Variants in ENOX1 observed in about 807,000 individuals in gnomAD.
ENOX1 encodes candidate growth-related and time keeping constitutive hydroquinone (NADH) oxidase.
In ENOX1, 42 loss-of-function variants were observed where a neutral mutation model predicts 82.5. The observed-to-expected ratio is 0.51, with a 90% CI of 0.40 to 0.66. ENOX1 has a LOEUF of 0.66. Among genes scored for constraint, ENOX1 ranks in the 30% least tolerant of loss-of-function variants. The pLI is 0.00. For missense variants in ENOX1, 608 were observed against 811.6 expected (o/e 0.75, Z 3.05); for synonymous variants, 271 against 282.2 (o/e 0.96, Z 0.40).
intron 5 of ENOX1, among the ~76,000 whole-genome samples, chr13:43,395,733 C>G (rs2053100883): frequency 6.6e-6 from 1 of 152,174 alleles, no homozygotes; most frequent in South Asian, 2.1e-4. Flanking sequence ...GAAACACAGC[C>G]TTATCCACAA....
intron 1 of ENOX1, among the ~76,000 whole-genome samples, chr13:43,755,045 C>G (rs1017667153): frequency 2.0e-5 from 3 of 151,048 alleles, no homozygotes; most frequent in African/African-American, 7.3e-5. Flanking sequence ...GTTTCTCCAT[C>G]CTTCAATTCA....
chr13:43,782,093 C>A (rs910049947), intron 1 of ENOX1, among the ~76,000 whole-genome samples: 2 of 152,010 alleles, frequency 1.3e-5, no homozygotes, highest in African/African-American at 4.8e-5. Context: ...ACAAATCAGG[C>A]CCTCTGATAT....
intron 2 of ENOX1, among the ~76,000 whole-genome samples, chr13:43,665,984 C>T (rs2084956920): frequency 6.6e-6 from 1 of 150,460 alleles, no homozygotes; most frequent in Non-Finnish European, 1.5e-5. Context: ...ATATTACAGG[C>T]TCGGTTCCAC....
chr13:43,625,939 G>A (rs2153748562), intron 2 of ENOX1, among the ~76,000 whole-genome samples: 1 of 151,958 alleles, frequency 6.6e-6, no homozygotes, highest in East Asian at 1.9e-4. Context: ...TCAAACATGT[G>A]ATAGAATTCT....
At chr13:43,275,101 A>G (rs529036233) in intron 12 of ENOX1, among the ~76,000 whole-genome samples, 1 of 152,290 alleles carries the variant, frequency 6.6e-6, no homozygotes, top group East Asian at 1.9e-4. Flanking sequence ...TGGAATGGAA[A>G]TCAGAACATG....
intron 2 of ENOX1, among the ~76,000 whole-genome samples, chr13:43,592,353 G>A (rs915191445): frequency 6.6e-6 from 1 of 152,142 alleles, no homozygotes; most frequent in Non-Finnish European, 1.5e-5. Flanking sequence ...TTAAAATCTT[G>A]AGCATCTGGG....
chr13:43,333,648 G>A lies in ENOX1; in HGVS notation c.1037-7123C>T, dbSNP rs115780806. Reference sequence around the variant, plus strand: ...TAGGAGATTTCTTTCTTTTTGAGACGGAGTCTCACTGTCACCCAGCCTGAA... The same window carrying A: ...TAGGAGATTTCTTTCTTTTTGAGACAGAGTCTCACTGTCACCCAGCCTGAA... On this transcript the variant is annotated intron_variant, in intron 9 of 16. Transcript: ENST00000690772. Among the ~76,000 whole-genome samples the A allele has an allele frequency of 4.6e-3, 697 of 152,292 alleles. 2 individuals are homozygous for A. The highest frequency in any genetic ancestry group is 0.015 in the African/African-American group (608 of 41,566).
chr13:43,371,094 T>G (rs893142541), intron 5 of ENOX1, among the ~76,000 whole-genome samples: 1 of 152,212 alleles, frequency 6.6e-6, no homozygotes, highest in Non-Finnish European at 1.5e-5. Flanking sequence ...ATTTTCTTTC[T>G]GTACGATGTT....
intron 2 of ENOX1, among the ~76,000 whole-genome samples, chr13:43,529,229 C>T (rs780056530): frequency 2.0e-5 from 3 of 151,968 alleles, no homozygotes; most frequent in Admixed American, 6.6e-5. Context: ...ATCCTCCTTT[C>T]GTCCAGAGGA....
At chr13:43,531,704 GA>G (rs2078228097) in intron 2 of ENOX1, among the ~76,000 whole-genome samples, 1 of 147,530 alleles carries the variant, frequency 6.8e-6, no homozygotes, top group African/African-American at 2.5e-5. Context: ...ACTGGATTAA[GA>G]AAATGTGGCA....
At chr13:43,656,680 G>A (rs1228758090) in intron 2 of ENOX1, among the ~76,000 whole-genome samples, 1 of 152,184 alleles carries the variant, frequency 6.6e-6, no homozygotes, top group Non-Finnish European at 1.5e-5. Flanking sequence ...TAGCTGTGCA[G>A]CAAATTAAAG....
intron 2 of ENOX1, among the ~76,000 whole-genome samples, chr13:43,616,204 A>ATATATATATATATATATATTTTTTT (rs1457149422): frequency 2.6e-4 from 4 of 15,314 alleles, no homozygotes; most frequent in Non-Finnish European, 8.3e-4. Context: ...ATATATATAT[A>ATATATATATATATATATATTTTTTT]TTTTTTTTTT....
intron 3 of ENOX1, among the ~76,000 whole-genome samples, chr13:43,415,345 T>C (rs1409100555): frequency 2.8e-5 from 4 of 143,242 alleles, no homozygotes. Context: ...GGTCAGCAGA[T>C]AAACACATGA....
intron 16 of ENOX1, among the ~76,000 whole-genome samples, chr13:43,222,018 G>A (rs2041816112): frequency 6.6e-6 from 1 of 152,214 alleles, no homozygotes; most frequent in Non-Finnish European, 1.5e-5. Flanking sequence ...GAAGGAACCT[G>A]ACAGCTCTGT....
At chr13:43,276,081 A>G (rs2045010575) in intron 12 of ENOX1, among the ~76,000 whole-genome samples, 5 of 152,190 alleles carry the variant, frequency 3.3e-5, no homozygotes, top group Admixed American at 3.3e-4. Context: ...GTTCAGTTTT[A>G]ATAACTGTTG....
At chr13:43,370,927 C>CCCT (rs2051198822) in intron 5 of ENOX1, among the ~76,000 whole-genome samples, 2 of 151,956 alleles carry the variant, frequency 1.3e-5, no homozygotes, top group Non-Finnish European at 2.9e-5. Flanking sequence ...TGCCCTTCCT[C>CCCT]CCTCCGCCTC....
At chr13:43,263,236 A>T (rs1016468901) in intron 14 of ENOX1, among the ~76,000 whole-genome samples, 7 of 152,192 alleles carry the variant, frequency 4.6e-5, no homozygotes, top group South Asian at 2.1e-4. Context: ...GATTGTAAAG[A>T]TTAGCCCAGC....
chr13:43,529,016 G>T (rs924320058), intron 2 of ENOX1, among the ~76,000 whole-genome samples: 1 of 151,788 alleles, frequency 6.6e-6, no homozygotes, highest in Non-Finnish European at 1.5e-5. Flanking sequence ...GCTAATATAC[G>T]TTAAACGTTT....
chr13:43,550,102 A>T (rs1312979334), intron 2 of ENOX1, among the ~76,000 whole-genome samples: 1 of 152,142 alleles, frequency 6.6e-6, no homozygotes, highest in African/African-American at 2.4e-5. Context: ...TTCTATGAGA[A>T]TCTAATGCCT....
Sources: gnomAD v4.1 joint callset for allele counts (sites outside exome capture counted in the v4.1 genomes callset) on GRCh38, gnomAD v4.1.1 for gene constraint, MANE v1.5 for transcripts, NCBI Gene and HGNC (gene_info 2026-07-23, HGNC 2026-07-21) for gene names.